STAC: variants seen among roughly 807,000 people sequenced by gnomAD.
The protein encoded by STAC is SH3 and cysteine rich domain.
In STAC, 43 loss-of-function variants were observed where a neutral mutation model predicts 48.8. The observed-to-expected ratio is 0.88, with a 90% CI of 0.69 to 1.14. The LOEUF (loss-of-function observed/expected upper bound fraction) is 1.14, where lower values mean the gene tolerates loss of function less well. Ranked by LOEUF, STAC falls within the 50% of genes most tolerant of loss-of-function variation. The probability of loss-of-function intolerance (pLI) is 0.00; values close to 1 mark genes in which losing one functional copy is unlikely to be tolerated. For missense variants in STAC, 497 were observed against 504.0 expected (o/e 0.99, Z 0.13); for synonymous variants, 193 against 179.5 (o/e 1.07, Z -0.60).
chr3:36,412,604 T>C (rs1326344457), intron 1 of STAC, among the ~76,000 whole-genome samples: 16 of 152,180 alleles, frequency 1.1e-4, no homozygotes, highest in Admixed American at 1.0e-3. Flanking sequence ...GTCAGTTTTA[T>C]TCTTTCACAT....
At chr3:36,398,973 G>A (rs993503942) in intron 1 of STAC, among the ~76,000 whole-genome samples, 3 of 152,234 alleles carry the variant, frequency 2.0e-5, no homozygotes, top group Non-Finnish European at 4.4e-5. Flanking sequence ...CAGCAGGAGA[G>A]AGGGCTGAAC....
chr3:36,512,601 G>A (rs1217684390), intron 8 of STAC, among the ~76,000 whole-genome samples: 1 of 152,078 alleles, frequency 6.6e-6, no homozygotes, highest in Non-Finnish European at 1.5e-5. Context: ...ATGTCTAGCT[G>A]CCTGGTGGTG....
rs145084098 is a variant in STAC at position 36,520,436 on chromosome 3, A to C, written c.921-8260A>C. Among the ~76,000 whole-genome samples, 86 of 152,230 alleles carry C rather than the reference A, an allele frequency of 5.6e-4. No individual in the cohort carries two copies. In the East Asian group the frequency reaches 0.015, roughly 26 times the overall value. On this transcript the variant is annotated intron_variant, in intron 8 of 10. Transcript: ENST00000273183. ...AGAACAGAGGTTTCCCGATTCTGTC[A>C]ATGCTCTGTGCACAGGTCTGCATTG...
intron 8 of STAC, among the ~76,000 whole-genome samples, chr3:36,513,358 A>T (rs1698588797): frequency 1.3e-5 from 2 of 152,174 alleles, no homozygotes; most frequent in African/African-American, 4.8e-5. Flanking sequence ...AGCCAGGGAG[A>T]GGACTCACTC....
chr3:36,500,248 T>C (rs368762075), intron 6 of STAC, among the ~76,000 whole-genome samples: 1 of 152,292 alleles, frequency 6.6e-6, no homozygotes, highest in African/African-American at 2.4e-5. Flanking sequence ...ATATACACCA[T>C]GGAATACTAT....
chr3:36,387,843 AT>A (rs1699650698), intron 1 of STAC, among the ~76,000 whole-genome samples: 1 of 152,108 alleles, frequency 6.6e-6, no homozygotes. Flanking sequence ...TCTTATGGGT[AT>A]ATAACCAGAA....
chr3:36,529,269 T>G (rs4635662), intron 10 of STAC: 8,955 of 199,970 alleles, frequency 0.045, 1,010 homozygotes, highest in East Asian at 0.3. Flanking sequence ...CGGTCTCTGA[T>G]GTGGACAGCT....
At chr3:36,525,179 T>C (rs1175280912) in intron 8 of STAC, among the ~76,000 whole-genome samples, 1 of 152,160 alleles carries the variant, frequency 6.6e-6, no homozygotes, top group African/African-American at 2.4e-5. Flanking sequence ...TGACACTCTT[T>C]CAGAGCCCAC....
chr3:36,447,128 G>A lies in STAC; in HGVS notation c.388+3488G>A, dbSNP rs115069311. Among the ~76,000 whole-genome samples, 606 of 152,242 alleles carry A rather than the reference G, an allele frequency of 4.0e-3. 4 individuals carry two copies. Among genetic ancestry groups the A allele is most frequent in the African/African-American group, 0.012 (516 of 41,536 alleles). ...ATCTGCTTCCGACTGATTCCACCGA[G>A]TGGTCCTACCTTCAGACAAAGGACT... On this transcript the variant is annotated intron_variant, in intron 2 of 10. Transcript: ENST00000273183.
chr3:36,418,802 C>T (rs1700377800), intron 1 of STAC, among the ~76,000 whole-genome samples: 1 of 152,058 alleles, frequency 6.6e-6, no homozygotes, highest in Non-Finnish European at 1.5e-5. Flanking sequence ...AATCCCAGCA[C>T]TTTGGGAGGC....
intron 2 of STAC, among the ~76,000 whole-genome samples, chr3:36,461,310 C>G (rs1004886854): frequency 6.6e-6 from 1 of 152,168 alleles, no homozygotes; most frequent in East Asian, 1.9e-4. Flanking sequence ...TTATTAATAT[C>G]AGACACCTTT....
chr3:36,425,795 G>A (rs758692486), intron 1 of STAC, among the ~76,000 whole-genome samples: 2 of 152,194 alleles, frequency 1.3e-5, no homozygotes, highest in Middle Eastern at 3.2e-3. Context: ...GGAGGCCAAC[G>A]CAGGGGGGAT....
intron 1 of STAC, among the ~76,000 whole-genome samples, chr3:36,403,663 A>G (rs1003420124): frequency 2.6e-5 from 4 of 152,148 alleles, no homozygotes; most frequent in African/African-American, 9.7e-5. Flanking sequence ...AATTAGTAAA[A>G]TCATGTGACA....
intron 8 of STAC, among the ~76,000 whole-genome samples, chr3:36,510,479 A>G (rs1698509078): frequency 6.6e-6 from 1 of 152,186 alleles, no homozygotes; most frequent in Non-Finnish European, 1.5e-5. Flanking sequence ...AGGATTGTAA[A>G]TCATTCTACT....
chr3:36,431,196 CT>C (rs1172344233), intron 1 of STAC, among the ~76,000 whole-genome samples: 1 of 151,920 alleles, frequency 6.6e-6, no homozygotes, highest in Non-Finnish European at 1.5e-5. Context: ...GTTTTTCTAC[CT>C]TTTAGACAGC....
chr3:36,546,497 C>G lies in STAC; in HGVS notation c.*208C>G. 1 of 571,408 alleles carries G rather than the reference C, an allele frequency of 1.8e-6. No individual in the cohort carries two copies. The highest frequency in any genetic ancestry group is 3.1e-6 in the Non-Finnish European group (1 of 321,510). The allele number at this position is 571,408 out of a possible 1,614,324, so 35.4% of individuals were successfully genotyped here. A position where few individuals can be genotyped will look rare whatever the true frequency, so the allele number is the denominator to read the frequency against. ...ATATCCAGGCTGCCACAGGTGGGGA[C>G]GAGGCTGAGAGAGTCAGCAGGCAGA... On this transcript the variant is annotated 3_prime_UTR_variant, in exon 11 of 11. Coordinates refer to ENST00000273183, the MANE Select transcript of STAC (RefSeq NM_003149.3).
intron 8 of STAC, among the ~76,000 whole-genome samples, chr3:36,515,832 G>A (rs1698658003): frequency 6.6e-6 from 1 of 151,986 alleles, no homozygotes; most frequent in African/African-American, 2.4e-5. Context: ...GGGCCCACAA[G>A]GAATTTCCTT....
intron 1 of STAC, among the ~76,000 whole-genome samples, chr3:36,392,631 G>A (rs1448993968): frequency 6.6e-6 from 1 of 152,090 alleles, no homozygotes; most frequent in Non-Finnish European, 1.5e-5. Flanking sequence ...GCTTCCCAAA[G>A]TGCTGGAATT....
chr3:36,517,635 C>G (rs956640744), intron 8 of STAC, among the ~76,000 whole-genome samples: 1 of 151,928 alleles, frequency 6.6e-6, no homozygotes, highest in East Asian at 1.9e-4. Flanking sequence ...GCCTGAATGA[C>G]AGAGCTAGAC....
Sources: gnomAD v4.1 joint callset for allele counts (sites outside exome capture counted in the v4.1 genomes callset) on GRCh38, gnomAD v4.1.1 for gene constraint, MANE v1.5 for transcripts, NCBI Gene and HGNC (gene_info 2026-07-23, HGNC 2026-07-21) for gene names.